The following TUBA4A variants were observed in gnomAD, a reference collection of about 807,000 sequenced individuals.
The protein encoded by TUBA4A is tubulin alpha-4A chain.
A neutral mutation model predicts 34.3 loss-of-function variants in TUBA4A; 23 were observed. The ratio of observed to expected loss-of-function variants is 0.67; its 90% confidence interval spans 0.48 to 0.95. TUBA4A has a LOEUF of 0.95. Ranked by LOEUF, TUBA4A falls within the 40% of genes least tolerant of loss-of-function variation. The probability of loss-of-function intolerance (pLI) is 0.00; values close to 1 mark genes in which losing one functional copy is unlikely to be tolerated. For missense variants in TUBA4A, 279 were observed against 599.0 expected (o/e 0.47, Z 5.58); for synonymous variants, 216 against 230.5 (o/e 0.94, Z 0.57).
Position 219,252,500 on chromosome 2 carries a change from T to C in TUBA4A, c.4-270A>G, listed in dbSNP as rs576274844. 6.6e-6 allele frequency among the ~76,000 whole-genome samples: 1 copy of C among 151,988 alleles called. No individual in the cohort carries two copies. The highest frequency in any genetic ancestry group is 2.1e-4 in the South Asian group (1 of 4,822). On this transcript the variant is annotated intron_variant, in intron 1 of 3. Coordinates refer to ENST00000248437, the MANE Select transcript of TUBA4A (RefSeq NM_006000.3). The surrounding 1 kb of genome is among the most constrained non-coding windows in gnomAD (Gnocchi z 4.1). ...GTCAAGTGAGCACTGTGGCTCCACA[T>C]GACAAAAGGTTTCCTAGAGGTATGG... is the stretch of plus-strand genomic sequence containing the variant.
At position 219,252,999 on chromosome 2, in the gene TUBA4A, G is replaced by T; in HGVS notation, c.4-769C>A. 1 of 589,264 alleles carries T rather than the reference G, an allele frequency of 1.7e-6. No homozygotes were observed. The highest frequency in any genetic ancestry group is 3.1e-6 in the Non-Finnish European group (1 of 325,354). 36.5% of individuals were successfully genotyped at this position (589,264 alleles called of 1,614,324 possible). A position where few individuals can be genotyped will look rare whatever the true frequency, so the allele number is the denominator to read the frequency against. On this transcript the variant is annotated intron_variant, in intron 1 of 3. Transcript: ENST00000248437. This position sits in a 1 kb window ranked among gnomAD's most constrained non-coding sequence, Gnocchi z 4.1. ...CGGGGTGACGGTTTCCAAATACCCAGAAAGGAAGTGGAACCTGCGGTGAGG... is the reference window on the plus strand; with the variant it reads ...CGGGGTGACGGTTTCCAAATACCCATAAAGGAAGTGGAACCTGCGGTGAGG...
chr2:219,253,462 G>A (rs1033582042), intron 1 of TUBA4A: 3 of 1,415,316 alleles, frequency 2.1e-6, no homozygotes, highest in Admixed American at 2.0e-5. Context: ...GCACGTGCTC[G>A]GTCAGTGCTG....
upstream of TUBA4A, chr2:219,253,963 G>A: frequency 9.2e-7 from 1 of 1,092,206 alleles, no homozygotes; most frequent in South Asian, 2.5e-5. Flanking sequence ...GGGGGGGGCG[G>A]GGCCCGCGTT....
At chr2:219,253,452 G>T (rs1337733728) in intron 1 of TUBA4A, 4 of 1,463,262 alleles carry the variant, frequency 2.7e-6, no homozygotes, top group African/African-American at 1.4e-5. Context: ...CTAGCGCCAA[G>T]CACGTGCTCG....
Position 219,251,458 on chromosome 2 carries a change from G to C in TUBA4A, c.375+107C>G, listed in dbSNP as rs940355007. ...AGGATGCCATAGCAGCACCACACTCGAGACCATGTATAGTTAGAGATGACC... is the reference window on the plus strand; with the variant it reads ...AGGATGCCATAGCAGCACCACACTCCAGACCATGTATAGTTAGAGATGACC... On this transcript the variant is annotated intron_variant, in intron 3 of 3. Transcript: ENST00000248437. This position sits in a 1 kb window ranked among gnomAD's most constrained non-coding sequence, Gnocchi z 6.1. 5.8e-6 allele frequency: 9 copies of C among 1,539,618 alleles called. No homozygotes were observed. Among genetic ancestry groups the C allele is most frequent in the Non-Finnish European group, 7.0e-6 (8 of 1,136,952 alleles).
Position 219,251,262 on chromosome 2 carries a change from C to G in TUBA4A, c.437G>C (p.Gly146Ala). Residue 146 changes from glycine (G) to alanine (A), a missense_variant, in exon 4 of 4, where the codon GGC becomes GCC. Gly to Ala is a moderately conservative substitution (Grantham distance 60). Coordinates refer to ENST00000248437, the MANE Select transcript of TUBA4A (RefSeq NM_006000.3). This position sits in a 1 kb window ranked among gnomAD's most constrained non-coding sequence, Gnocchi z 6.1. ...CATCAGGAGTGAGGTGAAGCCAGAGCCAGTGCCCCCACCAAAGCTGTGGAA... is the reference window on the plus strand; with the variant it reads ...CATCAGGAGTGAGGTGAAGCCAGAGGCAGTGCCCCCACCAAAGCTGTGGAA... ...LVFHSFGGGT[G>A]SGFTSLLMER... is the part of the protein sequence containing the mutation. 6.2e-7 allele frequency: 1 copy of G among 1,614,018 alleles called. No individual in the cohort carries two copies. Among genetic ancestry groups the G allele is most frequent in the Admixed American group, 1.7e-5 (1 of 59,996 alleles).
chr2:219,252,152 G>C lies in TUBA4A; in HGVS notation c.82C>G (p.His28Asp). ...ATCTGCCCATCAGGCTGAATCCCAT[G>C]TTCCAAGCAATAGAGCTCCCAGCAG... The part of the protein sequence containing the change: ...NACWELYCLE[H>D]GIQPDGQMPS... Residue 28 changes from histidine (H) to aspartate (D), a missense_variant, in exon 2 of 4, where the codon CAT becomes GAT. This residue lies in a region of TUBA4A where 98 missense variants were observed against 171.1 expected (regional missense o/e 0.57). Transcript: ENST00000248437. The surrounding 1 kb of genome is among the most constrained non-coding windows in gnomAD (Gnocchi z 4.1). 1 of 1,614,200 alleles carries C rather than the reference G, an allele frequency of 6.2e-7. No individual in the cohort carries two copies. The highest frequency in any genetic ancestry group is 8.5e-7 in the Non-Finnish European group (1 of 1,180,048).
intron 1 of TUBA4A, 29 bp downstream of exon 1, chr2:219,253,827 A>G: frequency 6.6e-7 from 1 of 1,524,878 alleles, no homozygotes. Flanking sequence ...ATTAGGGGAC[A>G]GGCGCGACCC....
At position 219,251,206 on chromosome 2, in the gene TUBA4A, A is replaced by G; in HGVS notation, c.493T>C (p.Ser165Pro). Residue 165 changes from serine to proline, a missense_variant, in exon 4 of 4, where the codon TCC becomes CCC. By Grantham distance (74) the Ser-to-Pro change is moderately conservative. Coordinates refer to ENST00000248437, the MANE Select transcript of TUBA4A (RefSeq NM_006000.3). This position sits in a 1 kb window ranked among gnomAD's most constrained non-coding sequence, Gnocchi z 6.1. ...GGGTAGATGGAGAATTCCAGCTTGG[A>G]TTTCTTGCCATAGTCAACAGAGAGC... ...ERLSVDYGKKSKLEFSIYPAP... is the reference protein window; with the variant it reads ...ERLSVDYGKKPKLEFSIYPAP... 1 of 1,614,090 alleles carries G rather than the reference A, an allele frequency of 6.2e-7. No homozygotes were observed. Among genetic ancestry groups the G allele is most frequent in the Non-Finnish European group, 8.5e-7 (1 of 1,180,018 alleles).
rs200651096 is a variant in TUBA4A at position 219,251,612 on chromosome 2, T to C, written c.328A>G (p.Ile110Val). The C allele has an allele frequency of 1.2e-6, 2 of 1,614,148 alleles. No homozygotes were observed. ...ACTGGGTCAATGATCTCCTTGCCAA[T>C]GGTATAGTGACCACGGGCATAGTTG... Reference protein sequence around the residue: ...ANNYARGHYTIGKEIIDPVLD... With the variant: ...ANNYARGHYTVGKEIIDPVLD... The change falls in exon 3 of 4, where the codon ATT becomes GTT. Residue 110 changes from isoleucine to valine, a missense_variant. Ile to Val is a conservative substitution (Grantham distance 29). Coordinates refer to ENST00000248437, the MANE Select transcript of TUBA4A (RefSeq NM_006000.3). The surrounding 1 kb of genome is among the most constrained non-coding windows in gnomAD (Gnocchi z 6.1).
At chr2:219,254,057 G>A, upstream of TUBA4A, 1 of 487,748 alleles carries the variant, frequency 2.1e-6, no homozygotes, top group Non-Finnish European at 3.6e-6. Flanking sequence ...GCGGAGCCTG[G>A]CCTGGTACCC....
Position 219,251,494 on chromosome 2 carries a change from A to G in TUBA4A, c.375+71T>C, listed in dbSNP as rs1951646453. On this transcript the variant is annotated intron_variant, in intron 3 of 3. Transcript: ENST00000248437. The surrounding 1 kb of genome is among the most constrained non-coding windows in gnomAD (Gnocchi z 6.1). ...TAGTTAGAGATGACCTCCTGAAAGG[A>G]TCTGAAAAAAAATATTCCTGACCAT... The G allele has an allele frequency of 1.3e-6, 2 of 1,568,388 alleles. No homozygotes were observed. Among genetic ancestry groups the G allele is most frequent in the Non-Finnish European group, 1.7e-6 (2 of 1,153,338 alleles).
intron 1 of TUBA4A, chr2:219,253,565 A>G: frequency 3.9e-6 from 3 of 770,212 alleles, no homozygotes; most frequent in East Asian, 5.3e-5. Context: ...ACTCTCATAC[A>G]GAGTCGGGAC....
chr2:219,253,449 C>A, intron 1 of TUBA4A: 1 of 1,468,718 alleles, frequency 6.8e-7, no homozygotes, highest in Non-Finnish European at 9.2e-7. Flanking sequence ...CTTCTAGCGC[C>A]AAGCACGTGC....
Position 219,253,868 on chromosome 2 carries a change from G to C in TUBA4A, c.-10C>G, listed in dbSNP as rs377724136. 3.4e-6 allele frequency: 5 copies of C among 1,464,568 alleles called. No homozygotes were observed. Among genetic ancestry groups the C allele is most frequent in the African/African-American group, 1.4e-5 (1 of 69,704 alleles). The allele number at this position is 1,464,568 out of a possible 1,614,324, so 90.7% of individuals were successfully genotyped here. On this transcript the variant is annotated 5_prime_UTR_variant, in exon 1 of 4. Transcript: ENST00000248437. ...GGGCCGCACTCACCATGGTGAGTCC[G>C]GGCGGTGCGTCTCACGTTGAGTCGG...
Position 219,251,759 on chromosome 2 carries a change from TC to T in TUBA4A, c.227-47del. 1.3e-6 allele frequency: 2 copies of T among 1,581,722 alleles called. No homozygotes were observed. The highest frequency in any genetic ancestry group is 1.7e-6 in the Non-Finnish European group (2 of 1,160,610). On this transcript the variant is annotated intron_variant, in intron 2 of 3. Coordinates refer to ENST00000248437, the MANE Select transcript of TUBA4A (RefSeq NM_006000.3). The surrounding 1 kb of genome is among the most constrained non-coding windows in gnomAD (Gnocchi z 6.1). ...AAGCTATGCTCAGCAGGGACCTTCC[TC>T]CCCCAGGGTGGTAGCTGTGGCCAGA... is the stretch of plus-strand genomic sequence containing the variant.
chr2:219,251,400 C>T lies in TUBA4A; in HGVS notation c.376-77G>A, dbSNP rs559892632. ...GACTCTATCACCTGGCTCCATAAAG[C>T]GTAAGATACATCAGCAGTCAGGGCA... is the stretch of plus-strand genomic sequence containing the variant. On this transcript the variant is annotated intron_variant, in intron 3 of 3. Transcript: ENST00000248437. This position sits in a 1 kb window ranked among gnomAD's most constrained non-coding sequence, Gnocchi z 6.1. 34 of 1,543,544 alleles carry T rather than the reference C, an allele frequency of 2.2e-5. No homozygotes were observed. The East Asian group carries it at 6.3e-4, about 29-fold the overall frequency.
intron 1 of TUBA4A, chr2:219,253,425 C>T (rs1559277717): frequency 2.0e-6 from 3 of 1,519,030 alleles, no homozygotes; most frequent in Middle Eastern, 1.7e-4. Flanking sequence ...ACCAGGTAAC[C>T]TGACCCCTTC....
chr2:219,253,483 A>G (rs1951683047), intron 1 of TUBA4A: 3 of 1,318,398 alleles, frequency 2.3e-6, no homozygotes, highest in African/African-American at 2.9e-5. Flanking sequence ...AGGACCAGGG[A>G]CTGGGGATGT....
Sources: gnomAD v4.1 joint callset for allele counts (sites outside exome capture counted in the v4.1 genomes callset) on GRCh38, gnomAD v4.1.1 for gene constraint, gnomAD v4.1.1 regional missense constraint, Gnocchi (gnomAD v3.1) non-coding constraint, MANE v1.5 for transcripts, NCBI Gene and HGNC (gene_info 2026-07-23, HGNC 2026-07-21) for gene names.